The following RAB31 variants were observed in gnomAD, a reference collection of about 807,000 sequenced individuals.
RAB31 encodes the protein ras-related protein Rab-31.
RAB31 carries 21 observed loss-of-function variants against 25.6 expected under a neutral mutation model. The observed-to-expected ratio is 0.82, with a 90% confidence interval of 0.58 to 1.18. The LOEUF is 1.18. Among genes scored for constraint, RAB31 ranks in the 50% most tolerant of loss-of-function variants. The pLI, the probability that RAB31 is intolerant of heterozygous loss-of-function variation, is 0.00. For synonymous variants in RAB31, 87 were observed against 84.0 expected (o/e 1.04, Z -0.20); for missense variants, 196 against 250.1 (o/e 0.78, Z 1.46).
intron 3 of RAB31, among the ~76,000 whole-genome samples, chr18:9,804,458 G>A (rs1385723982): frequency 6.6e-6 from 1 of 152,160 alleles, no homozygotes; most frequent in African/African-American, 2.4e-5. Context: ...ACACAGAGCC[G>A]CTGAGACAGG....
At chr18:9,809,071 G>A (rs113237110) in intron 3 of RAB31, among the ~76,000 whole-genome samples, 1 of 94,770 alleles carries the variant, frequency 1.1e-5, no homozygotes, top group Non-Finnish European at 2.6e-5. Flanking sequence ...CGCACGCGTG[G>A]GTGTGCGAGC....
At chr18:9,777,460 G>A (rs1252952064) in intron 2 of RAB31, among the ~76,000 whole-genome samples, 1 of 152,212 alleles carries the variant, frequency 6.6e-6, no homozygotes, top group Non-Finnish European at 1.5e-5. Flanking sequence ...CTTGCAAGAT[G>A]TGCACGTTGT....
chr18:9,767,551 C>A (rs925756811), intron 1 of RAB31, among the ~76,000 whole-genome samples: 7 of 152,074 alleles, frequency 4.6e-5, no homozygotes, highest in African/African-American at 1.7e-4. Context: ...CCACTTTGAT[C>A]GAGTCACAAT....
intron 5 of RAB31, among the ~76,000 whole-genome samples, chr18:9,840,933 T>A (rs1170551707): frequency 1.3e-5 from 2 of 152,112 alleles, no homozygotes; most frequent in Non-Finnish European, 2.9e-5. Flanking sequence ...AATTTATTTT[T>A]AAATATTCTT....
intron 2 of RAB31, among the ~76,000 whole-genome samples, chr18:9,781,297 A>G (rs1319949253): frequency 1.5e-4 from 23 of 152,094 alleles, no homozygotes; most frequent in Admixed American, 1.2e-3. Context: ...TGATGGCAGC[A>G]TGGTATTGTG....
At chr18:9,751,093 G>T (rs1471398487) in intron 1 of RAB31, among the ~76,000 whole-genome samples, 1 of 152,006 alleles carries the variant, frequency 6.6e-6, no homozygotes, top group East Asian at 1.9e-4. Flanking sequence ...GGAGTGCAGC[G>T]GTGTGATCAT....
chr18:9,809,141 C>G (rs1337908204), intron 3 of RAB31, among the ~76,000 whole-genome samples: 1 of 152,198 alleles, frequency 6.6e-6, no homozygotes, highest in Non-Finnish European at 1.5e-5. Flanking sequence ...AAGGCGAGAG[C>G]CTCCATCCTG....
At chr18:9,828,203 AGATGGCGG>A (rs1258142364) in intron 5 of RAB31, among the ~76,000 whole-genome samples, 1 of 152,180 alleles carries the variant, frequency 6.6e-6, no homozygotes, top group Non-Finnish European at 1.5e-5. Flanking sequence ...ATAGTGGGAA[AGATGGCGG>A]GATGGTGTGG....
At chr18:9,722,684 G>C (rs1187656735) in intron 1 of RAB31, 2 of 152,172 alleles carry the variant, frequency 1.3e-5, no homozygotes, top group African/African-American at 4.8e-5. Context: ...CCTTATGAAA[G>C]TATGTGGAGT....
At chr18:9,794,675 C>T (rs141656632) in intron 3 of RAB31, among the ~76,000 whole-genome samples, 19 of 152,108 alleles carry the variant, frequency 1.2e-4, no homozygotes, top group African/African-American at 3.6e-4. Flanking sequence ...ATTAGTCAGG[C>T]GTGGTGGCAC....
intron 5 of RAB31, among the ~76,000 whole-genome samples, chr18:9,816,853 A>G (rs2068601496): frequency 6.6e-6 from 1 of 152,244 alleles, no homozygotes; most frequent in African/African-American, 2.4e-5. Flanking sequence ...CAACTACATC[A>G]TGCTTCTGGT....
At chr18:9,735,104 G>C (rs2068144469) in intron 1 of RAB31, 1 of 154,846 alleles carries the variant, frequency 6.5e-6, no homozygotes, top group African/African-American at 2.4e-5. Flanking sequence ...TGCAACCTCT[G>C]CCTCCCGGGT....
chr18:9,812,585 G>T (rs2143073608), intron 3 of RAB31, among the ~76,000 whole-genome samples: 1 of 151,694 alleles, frequency 6.6e-6, no homozygotes, highest in East Asian at 1.9e-4. Flanking sequence ...AATATTTGTT[G>T]GCAATGTATA....
intron 1 of RAB31, among the ~76,000 whole-genome samples, chr18:9,727,704 T>G (rs2145462723): frequency 6.6e-6 from 1 of 152,358 alleles, no homozygotes; most frequent in South Asian, 2.1e-4. Context: ...AAAAATGTCT[T>G]GTTTCCATTT....
intron 3 of RAB31, among the ~76,000 whole-genome samples, chr18:9,810,766 T>A (rs2068566250): frequency 6.6e-6 from 1 of 152,246 alleles, no homozygotes; most frequent in Non-Finnish European, 1.5e-5. Flanking sequence ...CTCTTTGAGC[T>A]TGAGTCCATG....
intron 1 of RAB31, among the ~76,000 whole-genome samples, chr18:9,729,665 C>T (rs1356665888): frequency 1.3e-5 from 2 of 151,764 alleles, no homozygotes; most frequent in East Asian, 3.9e-4. Flanking sequence ...CCACCCCCCT[C>T]TAAATGCCTA....
chr18:9,731,615 T>TTTTTGG (rs2068123197), intron 1 of RAB31, among the ~76,000 whole-genome samples: 1 of 149,126 alleles, frequency 6.7e-6, no homozygotes, highest in Non-Finnish European at 1.5e-5. Context: ...TTTTTTTTTT[T>TTTTTGG]GAGGCAGAGT....
rs370261497 is a variant in RAB31, at chr18:9,716,196, C to CAGTT, written c.39+7753_39+7756dup. 6.0e-3 allele frequency among the ~76,000 whole-genome samples: 914 copies of CAGTT among 152,268 alleles called. 13 individuals are homozygous for CAGTT. Among genetic ancestry groups the CAGTT allele is most frequent in the African/African-American group, 0.021 (852 of 41,544 alleles). ...TCTGGCATTTTTGAAGAAGCCAGGC[C>CAGTT]AGTTGTCTTGTAGGCGGTCCCAAGA... On this transcript the variant is annotated intron_variant, in intron 1 of 6. Transcript: ENST00000578921.
chr18:9,840,138 CT>C (rs2068725708), intron 5 of RAB31, among the ~76,000 whole-genome samples: 1 of 152,234 alleles, frequency 6.6e-6, no homozygotes, highest in Non-Finnish European at 1.5e-5. Flanking sequence ...CCGGGAATGT[CT>C]GTGAAGGAGC....
Sources: allele counts gnomAD v4.1 joint callset (sites outside exome capture counted in the v4.1 genomes callset), GRCh38; gene constraint gnomAD v4.1.1; transcripts MANE v1.5; gene names NCBI Gene and HGNC (gene_info 2026-07-23, HGNC 2026-07-21).